SPMIP11: variants seen among roughly 807,000 people sequenced by gnomAD.
SPMIP11 encodes long intergenic non-protein coding RNA 935.
chr12:48,739,674 GGGGT>G, the SPMIP11 span, among the ~76,000 whole-genome samples: 6 of 152,254 alleles, frequency 3.9e-5, no homozygotes, highest in Middle Eastern at 3.4e-3. Flanking sequence ...GAAGAGAGAA[GGGGT>G]GGGTGGGTGG....
chr12:48,768,799 T>C, the SPMIP11 span: 45 of 1,569,306 alleles, frequency 2.9e-5, no homozygotes, highest in Non-Finnish European at 3.9e-5. Context: ...CTAGTCAGGC[T>C]AGCTCCCTTC....
At chr12:48,730,969 G>A in the SPMIP11 span, among the ~76,000 whole-genome samples, 1 of 152,058 alleles carries the variant, frequency 6.6e-6, no homozygotes, top group African/African-American at 2.4e-5. Context: ...GAAAACTGAG[G>A]TTCAAAGAGG....
the SPMIP11 span, chr12:48,768,507 C>T: frequency 6.2e-7 from 1 of 1,601,312 alleles, no homozygotes; most frequent in East Asian, 2.2e-5. Context: ...GCTCAGTGCC[C>T]CCTGCCACAG....
At chr12:48,742,865 A>G in the SPMIP11 span, among the ~76,000 whole-genome samples, 1 of 152,124 alleles carries the variant, frequency 6.6e-6, no homozygotes, top group Non-Finnish European at 1.5e-5. Context: ...AGACTGGGCA[A>G]CAAGAGCAAA....
At chr12:48,744,848 A>G in the SPMIP11 span, among the ~76,000 whole-genome samples, 1 of 152,036 alleles carries the variant, frequency 6.6e-6, no homozygotes, top group East Asian at 1.9e-4. Context: ...AAAAAAGAAG[A>G]AAGCAGAAAG....
the SPMIP11 span, among the ~76,000 whole-genome samples, chr12:48,734,666 A>G: frequency 6.6e-6 from 1 of 152,060 alleles, no homozygotes; most frequent in East Asian, 1.9e-4. Flanking sequence ...AATGAGGGAG[A>G]GTATCTGAAT....
chr12:48,754,236 A>G, the SPMIP11 span, among the ~76,000 whole-genome samples: 1 of 152,046 alleles, frequency 6.6e-6, no homozygotes, highest in Non-Finnish European at 1.5e-5. Context: ...CCCTTTCTCT[A>G]CAAAAAAAAA....
chr12:48,754,272 G>A, the SPMIP11 span, among the ~76,000 whole-genome samples: 1 of 152,028 alleles, frequency 6.6e-6, no homozygotes, highest in Non-Finnish European at 1.5e-5. Flanking sequence ...AGGCATGGTG[G>A]CACATGCCTG....
chr12:48,744,777 G>A, the SPMIP11 span, among the ~76,000 whole-genome samples: 1 of 148,946 alleles, frequency 6.7e-6, no homozygotes, highest in African/African-American at 2.5e-5. Flanking sequence ...GGAAGAGGAA[G>A]AGGAGGGGGA....
At chr12:48,753,487 C>T in the SPMIP11 span, among the ~76,000 whole-genome samples, 1 of 152,052 alleles carries the variant, frequency 6.6e-6, no homozygotes, top group East Asian at 1.9e-4. Context: ...GTCTTACTTA[C>T]GTTCTCATTT....
the SPMIP11 span, chr12:48,768,141 C>A: frequency 4.4e-6 from 1 of 224,980 alleles, no homozygotes; most frequent in East Asian, 1.2e-4. Context: ...GGAATAGGCA[C>A]TCCTCATGCC....
chr12:48,738,463 A>C, the SPMIP11 span, among the ~76,000 whole-genome samples: 1 of 151,490 alleles, frequency 6.6e-6, no homozygotes, highest in Non-Finnish European at 1.5e-5. Flanking sequence ...AAGACACCCC[A>C]GTTTCTCACC....
chr12:48,733,072 C>CTTTTT, the SPMIP11 span, among the ~76,000 whole-genome samples: 25 of 110,842 alleles, frequency 2.3e-4, no homozygotes, highest in Non-Finnish European at 3.6e-4. Flanking sequence ...ACAAGTTAAT[C>CTTTTT]TTTTTTTTTT....
the SPMIP11 span, chr12:48,768,584 G>C: frequency 6.2e-7 from 1 of 1,614,056 alleles, no homozygotes; most frequent in East Asian, 2.2e-5. Flanking sequence ...TTTGTGGCTG[G>C]GCCCTGTTAA....
the SPMIP11 span, among the ~76,000 whole-genome samples, chr12:48,752,087 AC>A: frequency 6.6e-6 from 1 of 151,790 alleles, no homozygotes; most frequent in African/African-American, 2.4e-5. Flanking sequence ...AAACAAACAA[AC>A]AAAAAAAGGT....
At chr12:48,757,759 CG>C in the SPMIP11 span, among the ~76,000 whole-genome samples, 1 of 150,512 alleles carries the variant, frequency 6.6e-6, no homozygotes. Context: ...TTTGGGAGGC[CG>C]AGGCAGGAGG....
chr12:48,731,158 C>T, the SPMIP11 span, among the ~76,000 whole-genome samples: 1 of 152,130 alleles, frequency 6.6e-6, no homozygotes, highest in East Asian at 1.9e-4. Context: ...AATCTGTTAA[C>T]CCCCAAACCC....
chr12:48,759,362 G>T, the SPMIP11 span: 1 of 700,964 alleles, frequency 1.4e-6, no homozygotes, highest in South Asian at 1.5e-5. Context: ...ATCATGCTAG[G>T]AGAAAAAAAG....
chr12:48,733,735 G>A, the SPMIP11 span, among the ~76,000 whole-genome samples: 2 of 151,560 alleles, frequency 1.3e-5, no homozygotes, highest in South Asian at 4.2e-4. Context: ...AAGGATAAGA[G>A]GGGACTACTG....
Sources: gnomAD v4.1 joint callset for allele counts (sites outside exome capture counted in the v4.1 genomes callset) on GRCh38, gnomAD v4.1.1 for gene constraint, MANE v1.5 for transcripts, NCBI Gene and HGNC (gene_info 2026-07-23, HGNC 2026-07-21) for gene names.